CALN1: variants seen among roughly 807,000 people sequenced by gnomAD.
CALN1 encodes the protein calcium-binding protein 8.
CALN1 carries 17 observed loss-of-function variants against 30.6 expected under a neutral mutation model. The observed-to-expected ratio is 0.56, with a 90% CI of 0.38 to 0.83. The LOEUF (loss-of-function observed/expected upper bound fraction) is 0.83. Ranked by LOEUF, CALN1 falls within the 40% of genes least tolerant of loss-of-function variation. The pLI is 0.00. For missense variants in CALN1, 291 were observed against 354.9 expected, an observed-to-expected ratio of 0.82 and a Z score of 1.45; for synonymous variants, 156 against 131.4, an observed-to-expected ratio of 1.19 and a Z score of -1.28.
At chr7:72,128,823 G>T (rs1808946524) in intron 3 of CALN1, among the ~76,000 whole-genome samples, 1 of 152,246 alleles carries the variant, frequency 6.6e-6, no homozygotes, top group South Asian at 2.1e-4. Context: ...AGTGAGCTGA[G>T]ATCGGGCCGC....
intron 4 of CALN1, among the ~76,000 whole-genome samples, chr7:72,042,098 T>C (rs1219915643): frequency 1.3e-5 from 2 of 152,186 alleles, no homozygotes; most frequent in African/African-American, 4.8e-5. Flanking sequence ...AAAAGGGACT[T>C]AGCAGTAGCA....
At chr7:72,207,857 A>G (rs1407916063) in intron 3 of CALN1, among the ~76,000 whole-genome samples, 1 of 152,228 alleles carries the variant, frequency 6.6e-6, no homozygotes, top group African/African-American at 2.4e-5. Context: ...TTACTTTTAT[A>G]GTAAAAAAGT....
intron 5 of CALN1, among the ~76,000 whole-genome samples, chr7:71,859,990 C>T (rs1235142499): frequency 6.6e-6 from 1 of 152,102 alleles, no homozygotes; most frequent in Non-Finnish European, 1.5e-5. Flanking sequence ...AGGAACATTC[C>T]TAGTCTTGCT....
the CALN1 span, among the ~76,000 whole-genome samples, chr7:72,462,232 A>G: frequency 6.6e-6 from 1 of 152,014 alleles, no homozygotes; most frequent in Admixed American, 6.6e-5. Flanking sequence ...CCTAGGCTGG[A>G]GTGCAATAAT....
intron 3 of CALN1, among the ~76,000 whole-genome samples, chr7:72,161,258 T>C (rs1222548637): frequency 6.6e-6 from 1 of 152,212 alleles, no homozygotes; most frequent in African/African-American, 2.4e-5. Context: ...TTTCTTTCTG[T>C]ATTCCCTGAC....
intron 3 of CALN1, among the ~76,000 whole-genome samples, chr7:72,140,581 C>T (rs1331827820): frequency 1.3e-5 from 2 of 152,244 alleles, no homozygotes. Flanking sequence ...AGGGATTACA[C>T]CCCAACCTTG....
chr7:72,344,495 G>GTT (rs1562908407), intron 2 of CALN1, among the ~76,000 whole-genome samples: 2 of 150,402 alleles, frequency 1.3e-5, no homozygotes, highest in Non-Finnish European at 3.0e-5. Context: ...TATGTGCACA[G>GTT]AATATAATTC....
At chr7:72,145,187 T>C (rs1786606024) in intron 3 of CALN1, among the ~76,000 whole-genome samples, 1 of 152,134 alleles carries the variant, frequency 6.6e-6, no homozygotes, top group South Asian at 2.1e-4. Flanking sequence ...CAGGAGCTGG[T>C]TTTTTGAAAA....
intron 3 of CALN1, among the ~76,000 whole-genome samples, chr7:72,257,102 C>G (rs189390473): frequency 1.4e-3 from 211 of 152,300 alleles, no homozygotes; most frequent in African/African-American, 4.9e-3. Context: ...GAAAGAGAAG[C>G]AAGGCACATC....
chr7:72,225,462 T>C (rs1337837568), intron 3 of CALN1, among the ~76,000 whole-genome samples: 1 of 152,144 alleles, frequency 6.6e-6, no homozygotes, highest in African/African-American at 2.4e-5. Flanking sequence ...CTTTCCGCCG[T>C]GTTGGTCAAG....
At chr7:72,402,287 C>T (rs1806394496) in intron 2 of CALN1, among the ~76,000 whole-genome samples, 1 of 152,188 alleles carries the variant, frequency 6.6e-6, no homozygotes, top group Non-Finnish European at 1.5e-5. Context: ...TTCCTGGGTC[C>T]CACAGCCTAG....
intron 4 of CALN1, among the ~76,000 whole-genome samples, chr7:72,069,334 A>T (rs74771734): frequency 0.046 from 6,944 of 152,246 alleles, 544 homozygotes; most frequent in African/African-American, 0.16. Flanking sequence ...AGGCAGTTGT[A>T]GCCAAGTATC....
At chr7:72,253,866 G>A (rs543948998) in intron 3 of CALN1, among the ~76,000 whole-genome samples, 2 of 152,152 alleles carry the variant, frequency 1.3e-5, no homozygotes, top group African/African-American at 2.4e-5. Flanking sequence ...TCCGCCTCCA[G>A]AGGAGCTGGG....
At chr7:72,336,737 C>G (rs1347826046) in intron 2 of CALN1, 1 of 985,364 alleles carries the variant, frequency 1.0e-6, no homozygotes, top group Non-Finnish European at 1.2e-6. Context: ...AGCCCGGCAG[C>G]CGAGGCGCCT....
chr7:72,432,321 A>G (rs1808005014), intron 1 of CALN1, among the ~76,000 whole-genome samples: 1 of 152,098 alleles, frequency 6.6e-6, no homozygotes, highest in African/African-American at 2.4e-5. Context: ...TGGAACTTTG[A>G]GTCCATTAAA....
intron 2 of CALN1, among the ~76,000 whole-genome samples, chr7:72,392,847 T>TAAA: frequency 6.6e-6 from 1 of 151,788 alleles, no homozygotes; most frequent in South Asian, 2.1e-4. Context: ...AAAAAAAAAT[T>TAAA]AATTAGCCAG....
chr7:71,920,880 A>G (rs866973474), intron 5 of CALN1, among the ~76,000 whole-genome samples: 1 of 152,240 alleles, frequency 6.6e-6, no homozygotes, highest in Non-Finnish European at 1.5e-5. Context: ...ATTATAAATC[A>G]TTCTACAATA....
At chr7:72,008,509 TGAAGA>T (rs1799898489) in intron 5 of CALN1, among the ~76,000 whole-genome samples, 1 of 151,470 alleles carries the variant, frequency 6.6e-6, no homozygotes, top group Non-Finnish European at 1.5e-5. Flanking sequence ...AGAAGGGAAA[TGAAGA>T]GAAAAGCTGA....
intron 5 of CALN1, among the ~76,000 whole-genome samples, chr7:71,863,760 C>A (rs898518745): frequency 6.6e-6 from 1 of 152,108 alleles, no homozygotes; most frequent in African/African-American, 2.4e-5. Context: ...CTGCAGCAAT[C>A]CTCTAGCCTG....
Sources: allele counts gnomAD v4.1 joint callset (sites outside exome capture counted in the v4.1 genomes callset), GRCh38; gene constraint gnomAD v4.1.1; transcripts MANE v1.5; gene names NCBI Gene and HGNC (gene_info 2026-07-23, HGNC 2026-07-21).